Variants in SIPA1L2 observed in about 807,000 individuals in gnomAD.
SIPA1L2 encodes signal induced proliferation associated 1 like 2, also known as signal-induced proliferation-associated 1-like protein 2.
In SIPA1L2, 56 loss-of-function variants were observed where a neutral mutation model predicts 163.9. The ratio of observed to expected loss-of-function variants is 0.34; its 90% CI spans 0.28 to 0.43. The LOEUF (loss-of-function observed/expected upper bound fraction) is 0.43, where lower values mean the gene tolerates loss of function less well. Ranked by LOEUF, SIPA1L2 falls within the 20% of genes least tolerant of loss-of-function variation. The pLI is 1.00. For synonymous variants in SIPA1L2, 877 were observed against 865.7 expected (o/e 1.01, Z -0.23); for missense variants, 1,974 against 2,193.5 (o/e 0.90, Z 2.00).
At chr1:232,482,438 A>G (rs1454742717) in intron 6 of SIPA1L2, among the ~76,000 whole-genome samples, 10 of 141,514 alleles carry the variant, frequency 7.1e-5, no homozygotes, top group Non-Finnish European at 1.4e-4. Context: ...AGAAAAGAGG[A>G]GTTTGAAAAA....
intron 10 of SIPA1L2, among the ~76,000 whole-genome samples, chr1:232,459,887 A>G (rs934092413): frequency 5.9e-5 from 9 of 152,288 alleles, no homozygotes; most frequent in Middle Eastern, 3.4e-3. Flanking sequence ...TACATGTGTT[A>G]CTTTATTTCA....
At chr1:232,553,230 C>T (rs1658500784) in intron 2 of SIPA1L2, among the ~76,000 whole-genome samples, 1 of 152,130 alleles carries the variant, frequency 6.6e-6, no homozygotes, top group Admixed American at 6.5e-5. Context: ...TGATCTCCTC[C>T]CCAACTGTCC....
chr1:232,517,979 A>G (rs989573689), intron 2 of SIPA1L2, among the ~76,000 whole-genome samples: 1 of 152,154 alleles, frequency 6.6e-6, no homozygotes, highest in African/African-American at 2.4e-5. Context: ...CCCAGGAATT[A>G]GAGGTAGCGG....
intron 4 of SIPA1L2, among the ~76,000 whole-genome samples, chr1:232,492,931 T>C (rs1471459088): frequency 6.6e-6 from 1 of 152,042 alleles, no homozygotes; most frequent in Non-Finnish European, 1.5e-5. Context: ...GAGAAGGAAA[T>C]AAAATTTGGG....
At chr1:232,472,330 A>ATGGT (rs1423447373) in intron 7 of SIPA1L2, among the ~76,000 whole-genome samples, 2 of 152,104 alleles carry the variant, frequency 1.3e-5, no homozygotes, top group African/African-American at 4.8e-5. Context: ...CTGTCTCCTA[A>ATGGT]TGGTTGGTTT....
At chr1:232,480,361 C>A (rs7545794) in intron 6 of SIPA1L2, among the ~76,000 whole-genome samples, 38,305 of 151,858 alleles carry the variant, frequency 0.25, 4,967 homozygotes, top group Admixed American at 0.35. Flanking sequence ...TTGATACATC[C>A]CATGAATGAA....
chr1:232,445,091 G>A (rs903871555), intron 11 of SIPA1L2, among the ~76,000 whole-genome samples: 3 of 152,320 alleles, frequency 2.0e-5, no homozygotes, highest in Admixed American at 2.0e-4. Flanking sequence ...AAGGAGAAAA[G>A]CAAAGAGGAA....
intron 1 of SIPA1L2, among the ~76,000 whole-genome samples, chr1:232,579,170 G>T (rs1230754536): frequency 6.6e-6 from 1 of 152,222 alleles, no homozygotes; most frequent in African/African-American, 2.4e-5. Flanking sequence ...GCAAAAGAAA[G>T]TTCTGAGAAA....
At chr1:232,619,265 T>C (rs1335723410) in intron 1 of SIPA1L2, among the ~76,000 whole-genome samples, 1 of 152,240 alleles carries the variant, frequency 6.6e-6, no homozygotes, top group Non-Finnish European at 1.5e-5. Flanking sequence ...CTTGAATGTT[T>C]TCCTAACCAT....
At chr1:232,477,622 CTCT>C (rs1485555610) in intron 7 of SIPA1L2, among the ~76,000 whole-genome samples, 4 of 152,182 alleles carry the variant, frequency 2.6e-5, no homozygotes, top group Non-Finnish European at 5.9e-5. Context: ...ACACATCCTC[CTCT>C]ATCCCCCAGT....
chr1:232,511,175 C>T (rs565791028), intron 3 of SIPA1L2, among the ~76,000 whole-genome samples: 1 of 152,236 alleles, frequency 6.6e-6, no homozygotes, highest in East Asian at 1.9e-4. Context: ...GAGTTATTTT[C>T]ACAGCAGAGA....
chr1:232,458,873 C>A (rs1664072788), intron 10 of SIPA1L2, among the ~76,000 whole-genome samples: 1 of 152,144 alleles, frequency 6.6e-6, no homozygotes, highest in African/African-American at 2.4e-5. Flanking sequence ...TTTCTTTGGA[C>A]TCATAGCAGT....
chr1:232,616,842 A>C (rs1662525787), intron 1 of SIPA1L2, among the ~76,000 whole-genome samples: 1 of 152,242 alleles, frequency 6.6e-6, no homozygotes, highest in Non-Finnish European at 1.5e-5. Context: ...TTAGCAACTC[A>C]GAACTTCAGT....
intron 12 of SIPA1L2, among the ~76,000 whole-genome samples, chr1:232,443,063 C>T (rs536094246): frequency 5.3e-5 from 8 of 152,312 alleles, no homozygotes; most frequent in African/African-American, 1.9e-4. Flanking sequence ...TCCTCAGGAG[C>T]GCACCCTGGT....
intron 1 of SIPA1L2, among the ~76,000 whole-genome samples, chr1:232,629,660 G>A (rs1407921820): frequency 1.3e-5 from 2 of 152,122 alleles, no homozygotes; most frequent in Non-Finnish European, 2.9e-5. Flanking sequence ...CTTCCAGCCG[G>A]GGATCGGGAG....
intron 2 of SIPA1L2, among the ~76,000 whole-genome samples, chr1:232,519,926 A>G (rs76189470): frequency 0.023 from 3,487 of 152,274 alleles, 143 homozygotes; most frequent in African/African-American, 0.078. Flanking sequence ...ATCAAGGAAA[A>G]TCTGAGACTC....
chr1:232,612,617 C>T (rs1662301181), intron 1 of SIPA1L2, among the ~76,000 whole-genome samples: 1 of 152,198 alleles, frequency 6.6e-6, no homozygotes, highest in Non-Finnish European at 1.5e-5. Flanking sequence ...TTGTTTTGGT[C>T]AGTTTCTCCC....
rs79391963 is a variant in SIPA1L2, at chr1:232,467,295, T to C, written c.2244-1879A>G. Among the ~76,000 whole-genome samples the C allele has an allele frequency of 0.034, 5,197 of 152,226 alleles. 915 individuals carry two copies. In the East Asian group the frequency reaches 0.56, roughly 16 times the overall value. On this transcript the variant is annotated intron_variant, in intron 8 of 22. Transcript: ENST00000674635. ...TAGTGGTGCTTTATGGTAGTATATA[T>C]ACCATACCAGAGGGTATGTGTGTGT...
Position 232,425,749 on chromosome 1 carries a change from C to G in SIPA1L2, c.4470G>C (p.Glu1490Asp), listed in dbSNP as rs750413617. 3.1e-6 allele frequency: 5 copies of G among 1,614,016 alleles called. No individual in the cohort carries two copies. Among genetic ancestry groups the G allele is most frequent in the Admixed American group, 1.7e-5 (1 of 60,000 alleles). Residue 1490 changes from glutamate (E) to aspartate (D), a missense_variant, in exon 18 of 23, where the codon GAG (glutamate) becomes GAC (aspartate). This residue lies in a region of SIPA1L2 where 1,079 missense variants were observed against 1,150.7 expected (regional missense o/e 0.94). Transcript: ENST00000674635. Reference sequence around the variant, plus strand: ...ACCCCCTCCTGTTGCTGCAGATGCTCTCGTCAGACAGCGTGCGGTAAAGCG... The same window carrying G: ...ACCCCCTCCTGTTGCTGCAGATGCTGTCGTCAGACAGCGTGCGGTAAAGCG... ...RRSLYRTLSD[E>D]SICSNRRGSS...
Sources: allele counts gnomAD v4.1 joint callset (sites outside exome capture counted in the v4.1 genomes callset), GRCh38; gene constraint gnomAD v4.1.1; regional missense constraint gnomAD v4.1.1; transcripts MANE v1.5; gene names NCBI Gene and HGNC (gene_info 2026-07-23, HGNC 2026-07-21).